Variants in RPS6KA5 observed in about 807,000 individuals in gnomAD.
RPS6KA5 encodes ribosomal protein S6 kinase alpha-5.
Under a neutral mutation model 85.5 loss-of-function variants are expected in RPS6KA5, and 27 were observed. That is an observed-to-expected ratio of 0.32 (90% CI 0.23 to 0.44). The LOEUF is 0.44. RPS6KA5 is among the 20% of genes least tolerant of loss of function. The probability of loss-of-function intolerance (pLI) is 1.00; values close to 1 mark genes in which losing one functional copy is unlikely to be tolerated. For synonymous variants in RPS6KA5, 334 were observed against 348.2 expected (o/e 0.96, Z 0.46); for missense variants, 811 against 980.9 (o/e 0.83, Z 2.31).
At chr14:90,996,396 C>T (rs1392424958) in intron 2 of RPS6KA5, among the ~76,000 whole-genome samples, 2 of 151,958 alleles carry the variant, frequency 1.3e-5, no homozygotes, top group African/African-American at 2.4e-5. Flanking sequence ...TTGTTATGTA[C>T]TATAAAATTC....
At chr14:90,989,501 A>G (rs1379794560) in intron 2 of RPS6KA5, among the ~76,000 whole-genome samples, 3 of 152,326 alleles carry the variant, frequency 2.0e-5, no homozygotes, top group East Asian at 3.9e-4. Flanking sequence ...TAAAAAAAGA[A>G]AATTCAGAGA....
rs894129423 is a variant in RPS6KA5 at position 90,857,543 on chromosome 14, G to A, written c.*14531C>T. 4 of 152,118 alleles carry A rather than the reference G, an allele frequency of 2.6e-5. No homozygotes were observed. The highest frequency in any genetic ancestry group is 4.8e-5 in the African/African-American group (2 of 41,426). The allele number at this position is 152,118 out of a possible 1,614,324, so 9.4% of individuals were successfully genotyped here. On this transcript the variant is annotated 3_prime_UTR_variant, in exon 17 of 17. Coordinates refer to ENST00000614987, the MANE Select transcript of RPS6KA5 (RefSeq NM_004755.4). ...CAAATTGTCAAATAATTGTGCTCCC[G>A]GTGAGATTTTTATGTAACACAGAAA...
intron 1 of RPS6KA5, among the ~76,000 whole-genome samples, chr14:91,009,753 A>G (rs898990775): frequency 2.6e-5 from 4 of 152,208 alleles, no homozygotes; most frequent in African/African-American, 9.7e-5. Flanking sequence ...ACAAGGAACT[A>G]AAGTTCTGCA....
intron 3 of RPS6KA5, among the ~76,000 whole-genome samples, chr14:90,951,265 C>T (rs971071304): frequency 3.3e-5 from 5 of 151,986 alleles, no homozygotes; most frequent in South Asian, 4.2e-4. Flanking sequence ...GGGCGGGTCA[C>T]CAGGTCAGGA....
chr14:90,999,213 A>C (rs528325121), intron 2 of RPS6KA5, among the ~76,000 whole-genome samples: 2 of 152,284 alleles, frequency 1.3e-5, no homozygotes, highest in South Asian at 4.1e-4. Context: ...ATCTCAAAAA[A>C]ACAAAAAAAC....
intron 7 of RPS6KA5, among the ~76,000 whole-genome samples, chr14:90,917,741 T>TTA (rs1555362227): frequency 1.3e-5 from 2 of 151,862 alleles, no homozygotes; most frequent in East Asian, 1.9e-4. Context: ...TCCTTTTTTT[T>TTA]AAAAGAGATA....
At chr14:90,973,298 C>G (rs972271276) in intron 3 of RPS6KA5, among the ~76,000 whole-genome samples, 1 of 151,944 alleles carries the variant, frequency 6.6e-6, no homozygotes, top group African/African-American at 2.4e-5. Context: ...CAAAAATTAG[C>G]CAGGTGTGGT....
At chr14:90,874,269 C>A (rs916154734) in intron 15 of RPS6KA5, among the ~76,000 whole-genome samples, 5 of 152,094 alleles carry the variant, frequency 3.3e-5, no homozygotes, top group Non-Finnish European at 7.3e-5. Context: ...GGGATAAGTG[C>A]GATAGCAAGA....
chr14:90,960,433 T>C (rs2038740479), intron 3 of RPS6KA5, among the ~76,000 whole-genome samples: 1 of 152,200 alleles, frequency 6.6e-6, no homozygotes, highest in African/African-American at 2.4e-5. Context: ...GGGCTAGAGT[T>C]AGCAGTGGCA....
At chr14:90,872,358 A>G in intron 16 of RPS6KA5, 36 bp from the exon 17 acceptor site, 1 of 1,571,024 alleles carries the variant, frequency 6.4e-7, no homozygotes, top group Non-Finnish European at 8.6e-7. Flanking sequence ...CTGTGAAGGT[A>G]AAAGTACTGA....
Position 90,894,452 on chromosome 14 carries a change from C to T in RPS6KA5, c.1605G>A (p.Met535Ile), listed in dbSNP as rs2034725368. Residue 535 changes from methionine (M) to isoleucine (I), a missense_variant, in exon 13 of 17, where the codon ATG becomes ATA. Met to Ile is a conservative substitution (Grantham distance 10). Transcript: ENST00000614987. Reference sequence around the variant, plus strand: ...CCCTGTGCACCACTCCAACATCATGCATGTGGCTTACAGCTGAAACAAGCT... The same window carrying T: ...CCCTGTGCACCACTCCAACATCATGTATGTGGCTTACAGCTGAAACAAGCT... ...MRKLVSAVSH[M>I]HDVGVVHRDL... 1 of 1,614,016 alleles carries T rather than the reference C, an allele frequency of 6.2e-7. No homozygotes were observed. The highest frequency in any genetic ancestry group is 8.5e-7 in the Non-Finnish European group (1 of 1,180,012).
chr14:90,943,294 C>A, intron 4 of RPS6KA5, 109 bp from the exon 5 acceptor site: 1 of 634,146 alleles, frequency 1.6e-6, no homozygotes. Flanking sequence ...AGGCATTTCC[C>A]TCCTCAGGAT....
chr14:91,016,567 TTGTG>T (rs2041507258), intron 1 of RPS6KA5, among the ~76,000 whole-genome samples: 1 of 152,118 alleles, frequency 6.6e-6, no homozygotes, highest in African/African-American at 2.4e-5. Context: ...TATGTGTGTG[TTGTG>T]TGTTTCTGTG....
At chr14:90,955,593 C>T (rs2038459141) in intron 3 of RPS6KA5, among the ~76,000 whole-genome samples, 1 of 151,704 alleles carries the variant, frequency 6.6e-6, no homozygotes, top group Non-Finnish European at 1.5e-5. Flanking sequence ...TTTCTCATTC[C>T]ATTGTGGAGA....
At chr14:91,024,746 G>A (rs1479609251) in intron 1 of RPS6KA5, among the ~76,000 whole-genome samples, 3 of 152,102 alleles carry the variant, frequency 2.0e-5, no homozygotes, top group Non-Finnish European at 4.4e-5. Context: ...AGCCACAGGT[G>A]TAAACTAACA....
At chr14:90,949,382 A>G (rs1470583444) in intron 3 of RPS6KA5, among the ~76,000 whole-genome samples, 1 of 152,242 alleles carries the variant, frequency 6.6e-6, no homozygotes, top group African/African-American at 2.4e-5. Context: ...CACTGCAGTT[A>G]TCTTGCTATA....
chr14:90,944,956 C>T (rs1020955850), intron 4 of RPS6KA5, among the ~76,000 whole-genome samples: 38 of 143,614 alleles, frequency 2.6e-4, no homozygotes, highest in African/African-American at 8.9e-4. Flanking sequence ...TTTAAAAGAA[C>T]AGAATAAAAA....
chr14:91,009,501 T>C (rs2041167882), intron 1 of RPS6KA5, among the ~76,000 whole-genome samples: 3 of 152,192 alleles, frequency 2.0e-5, no homozygotes, highest in Admixed American at 2.0e-4. Context: ...CCTCCCTCCT[T>C]GGCTTCCTAA....
intron 3 of RPS6KA5, among the ~76,000 whole-genome samples, chr14:90,973,659 A>AT (rs1299582470): frequency 1.3e-5 from 2 of 151,174 alleles, no homozygotes; most frequent in Non-Finnish European, 2.9e-5. Flanking sequence ...CTGTGCAGGA[A>AT]TAAAAAAAAG....
Sources: allele counts gnomAD v4.1 joint callset (sites outside exome capture counted in the v4.1 genomes callset), GRCh38; gene constraint gnomAD v4.1.1; transcripts MANE v1.5; gene names NCBI Gene and HGNC (gene_info 2026-07-23, HGNC 2026-07-21).